MYOCD: variants seen among roughly 807,000 people sequenced by gnomAD.
MYOCD encodes the protein myocardin.
In MYOCD, 32 loss-of-function variants were observed where a neutral mutation model predicts 96.1. The ratio of observed to expected loss-of-function variants is 0.33; its 90% CI spans 0.25 to 0.45. MYOCD has a LOEUF of 0.45. Ranked by LOEUF, MYOCD falls within the 20% of genes least tolerant of loss-of-function variation. The pLI, the probability that MYOCD is intolerant of heterozygous loss-of-function variation, is 1.00. For synonymous variants in MYOCD, 469 were observed against 469.0 expected (o/e 1.00, Z 0.00); for missense variants, 1,133 against 1,200.6 (o/e 0.94, Z 0.83).
At chr17:12,712,812 A>G (rs2031520816) in intron 2 of MYOCD, among the ~76,000 whole-genome samples, 1 of 152,212 alleles carries the variant, frequency 6.6e-6, no homozygotes, top group Admixed American at 6.5e-5. Flanking sequence ...TTTAGAATCC[A>G]AATTCCTTTT....
chr17:12,747,934 G>A (rs2032715458), intron 9 of MYOCD, among the ~76,000 whole-genome samples: 2 of 151,452 alleles, frequency 1.3e-5, no homozygotes, highest in African/African-American at 4.8e-5. Context: ...GGGTGCTGCG[G>A]TAGGCGGATC....
intron 7 of MYOCD, among the ~76,000 whole-genome samples, chr17:12,740,705 T>A (rs1265108922): frequency 6.6e-6 from 1 of 152,144 alleles, no homozygotes; most frequent in Non-Finnish European, 1.5e-5. Flanking sequence ...GCCTTCTTTA[T>A]AATGTTTTAT....
At chr17:12,691,895 C>T (rs185204649) in intron 1 of MYOCD, among the ~76,000 whole-genome samples, 1 of 152,272 alleles carries the variant, frequency 6.6e-6, no homozygotes, top group African/African-American at 2.4e-5. Context: ...TCCTCAAGGA[C>T]TATTGGGAGA....
At chr17:12,756,348 G>C in intron 10 of MYOCD, 66 bp from the exon 11 acceptor site, 1 of 1,532,352 alleles carries the variant, frequency 6.5e-7, no homozygotes, top group Non-Finnish European at 8.8e-7. Context: ...AACCAGAATT[G>C]TCAGCAAAGG....
rs1189408094 is a variant in MYOCD, at chr17:12,765,681, A to G, written c.*2037A>G. 1 of 152,212 alleles carries G rather than the reference A, an allele frequency of 6.6e-6. No homozygotes were observed. Among genetic ancestry groups the G allele is most frequent in the African/African-American group, 2.4e-5 (1 of 41,442 alleles). The allele number at this position is 152,212 out of a possible 1,614,324, so 9.4% of individuals were successfully genotyped here. On this transcript the variant is annotated 3_prime_UTR_variant, in exon 14 of 14. Coordinates refer to ENST00000425538, the MANE Select transcript of MYOCD (RefSeq NM_001146312.3). ...TGAATGATACCTGGCCTTTCTCACT[A>G]TGAATTTCTGATTAACCAACCAGAC...
At chr17:12,666,383 AAG>A (rs1265858279) in intron 1 of MYOCD, 140 bp downstream of exon 1, 1 of 684,500 alleles carries the variant, frequency 1.5e-6, no homozygotes, top group East Asian at 2.8e-5. Context: ...TGTGGAAGCG[AAG>A]AGTTTTGTTT....
At chr17:12,735,989 C>T (rs1052142739) in intron 5 of MYOCD, among the ~76,000 whole-genome samples, 172 bp from the exon 6 acceptor site, 32 of 152,190 alleles carry the variant, frequency 2.1e-4, no homozygotes, top group South Asian at 8.3e-4. Context: ...CCAAACAAAC[C>T]GCTTTTTATA....
At chr17:12,735,703 G>A (rs772734493) in intron 5 of MYOCD, among the ~76,000 whole-genome samples, 4 of 152,136 alleles carry the variant, frequency 2.6e-5, no homozygotes, top group Non-Finnish European at 5.9e-5. Context: ...ATTGCGTGCT[G>A]TGCGCCCTGC....
rs1256218361 is a variant in MYOCD, at chr17:12,736,305, C to A, written c.560C>A (p.Thr187Asn). 2 of 1,614,074 alleles carry A rather than the reference C, an allele frequency of 1.2e-6. No homozygotes were observed. The highest frequency in any genetic ancestry group is 1.7e-6 in the Non-Finnish European group (2 of 1,180,000). ...GSPPDAKASD[T>N]PSTGSLGTNQ... is the part of the protein sequence containing the mutation. Reference sequence around the variant, plus strand: ...CCGCCAGACGCTAAAGCCTCAGATACCCCTTCGACAGGTTCTCTGGGGACA... The same window carrying A: ...CCGCCAGACGCTAAAGCCTCAGATAACCCTTCGACAGGTTCTCTGGGGACA... The change falls in exon 6 of 14, where the codon ACC becomes AAC. Residue 187 changes from threonine (T) to asparagine (N), a missense_variant. Physicochemically the swap from Thr to Asn is moderately conservative, Grantham distance 65. Coordinates refer to ENST00000425538, the MANE Select transcript of MYOCD (RefSeq NM_001146312.3).
intron 1 of MYOCD, among the ~76,000 whole-genome samples, chr17:12,690,836 A>G (rs2030410679): frequency 6.6e-6 from 1 of 152,226 alleles, no homozygotes; most frequent in African/African-American, 2.4e-5. Flanking sequence ...TCTTCAATTA[A>G]TATTGAGACT....
intron 6 of MYOCD, 141 bp from the exon 7 acceptor site, chr17:12,739,061 TC>T: frequency 1.1e-6 from 1 of 882,336 alleles, no homozygotes; most frequent in Admixed American, 2.5e-5. Flanking sequence ...ATGTGACTCC[TC>T]CCACTGAGGG....
rs73977966 is a variant in MYOCD at position 12,744,089 on chromosome 17, C to T, written c.718-94C>T. On this transcript the variant is annotated intron_variant, in intron 7 of 13. Coordinates refer to ENST00000425538, the MANE Select transcript of MYOCD (RefSeq NM_001146312.3). ...TTATATTTCTGAGATCCAAGAATGGCCATCAGACAAAACTGCCTCACAACG... is the reference window on the plus strand; with the variant it reads ...TTATATTTCTGAGATCCAAGAATGGTCATCAGACAAAACTGCCTCACAACG... 3.6e-3 allele frequency: 5,112 copies of T among 1,411,744 alleles called. 164 individuals carry two copies. The African/African-American group carries it at 0.063, about 18-fold the overall frequency. The allele number at this position is 1,411,744 out of a possible 1,614,324, so 87.5% of individuals were successfully genotyped here.
At chr17:12,714,361 A>ACACACACACACACACACACACC (rs149778201) in intron 2 of MYOCD, among the ~76,000 whole-genome samples, 1 of 148,258 alleles carries the variant, frequency 6.7e-6, no homozygotes, top group Non-Finnish European at 1.5e-5. Flanking sequence ...ACACACACAC[A>ACACACACACACACACACACACC]CCCCGATCTG....
intron 5 of MYOCD, among the ~76,000 whole-genome samples, chr17:12,726,754 A>C (rs370505183): frequency 6.6e-6 from 1 of 152,132 alleles, no homozygotes; most frequent in Admixed American, 6.6e-5. Context: ...TTACCTTTTC[A>C]TATTTTTTCA....
intron 4 of MYOCD, chr17:12,720,280 C>G (rs2150688071): frequency 6.6e-6 from 1 of 152,276 alleles, no homozygotes; most frequent in Middle Eastern, 3.4e-3. Flanking sequence ...CCTCCTCAAG[C>G]CTCTGTACAA....
chr17:12,740,413 C>G (rs1480349520), intron 7 of MYOCD, among the ~76,000 whole-genome samples: 1 of 152,208 alleles, frequency 6.6e-6, no homozygotes, highest in African/African-American at 2.4e-5. Flanking sequence ...TAAGTGAGAA[C>G]ACATGATACT....
At chr17:12,683,169 C>A (rs2029893138) in intron 1 of MYOCD, among the ~76,000 whole-genome samples, 2 of 152,140 alleles carry the variant, frequency 1.3e-5, no homozygotes, top group Admixed American at 1.3e-4. Flanking sequence ...CCTCCGACTG[C>A]TATTGAATTT....
chr17:12,715,698 C>T, intron 3 of MYOCD, 124 bp downstream of exon 3: 1 of 650,098 alleles, frequency 1.5e-6, no homozygotes. Flanking sequence ...GTCCCCTGCC[C>T]TCATATCATG....
chr17:12,746,206 G>A, intron 9 of MYOCD, 134 bp downstream of exon 9: 1 of 971,716 alleles, frequency 1.0e-6, no homozygotes, highest in Non-Finnish European at 1.5e-6. Context: ...ACTGAAGGAG[G>A]TGACAGAATT....
Sources: gnomAD v4.1 joint callset for allele counts (sites outside exome capture counted in the v4.1 genomes callset) on GRCh38, gnomAD v4.1.1 for gene constraint, MANE v1.5 for transcripts, NCBI Gene and HGNC (gene_info 2026-07-23, HGNC 2026-07-21) for gene names.